Variants in PARP8 observed in about 807,000 individuals in gnomAD.
PARP8 encodes the protein poly(ADP-ribose) polymerase family member 8.
PARP8 carries 51 observed loss-of-function variants against 124.1 expected under a neutral mutation model. The observed-to-expected ratio is 0.41, with a 90% confidence interval of 0.33 to 0.52. The LOEUF is 0.52. Among genes scored for constraint, PARP8 ranks in the 20% least tolerant of loss-of-function variants. PARP8 has a pLI of 0.21. For synonymous variants in PARP8, 391 were observed against 361.5 expected (o/e 1.08, Z -0.93); for missense variants, 860 against 1,018.9 (o/e 0.84, Z 2.12).
chr5:50,677,880 G>T (rs1466287128), intron 2 of PARP8, among the ~76,000 whole-genome samples: 1 of 150,984 alleles, frequency 6.6e-6, no homozygotes, highest in Non-Finnish European at 1.5e-5. Flanking sequence ...TCTTTCTGAA[G>T]GCAAAGACTT....
intron 2 of PARP8, among the ~76,000 whole-genome samples, chr5:50,688,366 G>A (rs978024669): frequency 3.3e-5 from 5 of 152,194 alleles, no homozygotes; most frequent in Non-Finnish European, 7.3e-5. Context: ...AGTAACTGCT[G>A]TTAGTATTTC....
chr5:50,719,537 T>G (rs1755664419), intron 2 of PARP8, among the ~76,000 whole-genome samples: 1 of 152,094 alleles, frequency 6.6e-6, no homozygotes, highest in African/African-American at 2.4e-5. Flanking sequence ...TTTATTTTTC[T>G]GCATATAGAT....
chr5:50,784,956 G>T (rs575638909), intron 9 of PARP8, among the ~76,000 whole-genome samples: 1 of 151,942 alleles, frequency 6.6e-6, no homozygotes, highest in South Asian at 2.1e-4. Flanking sequence ...CAGAAAAATT[G>T]CAGCTAGTAC....
In PARP8 at chr5:50,843,239, C is replaced by G. The variant is rs974979117; in HGVS notation, c.*1171C>G. ...TTTGAGTCCTAGAGTTCTTATTCAT[C>G]AAGTTTTAATTGACAGTGTTTATTT... On this transcript the variant is annotated 3_prime_UTR_variant, in exon 26 of 26. Coordinates refer to ENST00000281631, the MANE Select transcript of PARP8 (RefSeq NM_024615.4). The G allele has an allele frequency of 4.6e-5, 7 of 151,706 alleles. No individual in the cohort carries two copies. Among genetic ancestry groups the G allele is most frequent in the African/African-American group, 1.7e-4 (7 of 41,484 alleles). The allele number at this position is 151,706 out of a possible 1,614,324, so 9.4% of individuals were successfully genotyped here.
chr5:50,721,602 C>G (rs1273832587), intron 2 of PARP8, among the ~76,000 whole-genome samples: 1 of 152,046 alleles, frequency 6.6e-6, no homozygotes, highest in East Asian at 1.9e-4. Flanking sequence ...TTTCTGTGGC[C>G]GATTAATTCA....
chr5:50,813,072 G>A (rs964166169), intron 14 of PARP8, among the ~76,000 whole-genome samples: 8 of 152,178 alleles, frequency 5.3e-5, no homozygotes, highest in Non-Finnish European at 1.0e-4. Flanking sequence ...TCTTAACAAT[G>A]TGGGCTCTTT....
chr5:50,709,337 T>C (rs190257680), intron 2 of PARP8, among the ~76,000 whole-genome samples: 1 of 152,162 alleles, frequency 6.6e-6, no homozygotes, highest in East Asian at 1.9e-4. Flanking sequence ...TCTTTCATTT[T>C]TTTCTTTTTC....
intron 25 of PARP8, among the ~76,000 whole-genome samples, chr5:50,835,262 G>A (rs1413522426): frequency 3.3e-5 from 5 of 152,206 alleles, no homozygotes; most frequent in Non-Finnish European, 5.9e-5. Context: ...CACCATCTTA[G>A]TCAAGCCTGG....
rs562111029 is a variant in PARP8 at position 50,772,081 on chromosome 5, A to G, written c.519-5988A>G. ...AGATCAGCTTTTTTTAGATTCTGCA[A>G]ATGACTTACATCACGCAGTGTTTGT... On this transcript the variant is annotated intron_variant, in intron 7 of 25. Coordinates refer to ENST00000281631, the MANE Select transcript of PARP8 (RefSeq NM_024615.4). Among the ~76,000 whole-genome samples, 8 of 152,272 alleles carry G rather than the reference A, an allele frequency of 5.3e-5. No homozygotes were observed. The East Asian group carries it at 1.3e-3, about 26-fold the overall frequency.
chr5:50,714,138 A>G (rs1184403240), intron 2 of PARP8, among the ~76,000 whole-genome samples: 2 of 142,042 alleles, frequency 1.4e-5, no homozygotes, highest in African/African-American at 5.3e-5. Flanking sequence ...TTTTGAGGGT[A>G]TCTGAGTCTG....
At chr5:50,839,991 G>A (rs1490177518) in intron 25 of PARP8, among the ~76,000 whole-genome samples, 3 of 151,888 alleles carry the variant, frequency 2.0e-5, no homozygotes, top group African/African-American at 4.8e-5. Context: ...TGAGATGGAG[G>A]CCATTTTTCT....
At chr5:50,744,752 C>T (rs963756041) in intron 2 of PARP8, 11 of 701,200 alleles carry the variant, frequency 1.6e-5, no homozygotes, top group African/African-American at 1.2e-4. Context: ...AGAGCTTGCT[C>T]CAGGGATGTG....
rs189657039 is a variant in PARP8 at position 50,822,102 on chromosome 5, G to A, written c.1795-233G>A. On this transcript the variant is annotated intron_variant, in intron 16 of 25. Transcript: ENST00000281631. ...TTTTTTGTGTTTCTAGATTTTTTCC[G>A]CCATGGCTTATAGAAGGATTGGCAT... 8.7e-4 allele frequency among the ~76,000 whole-genome samples: 132 copies of A among 152,104 alleles called. 1 individual carries two copies. In the East Asian group the frequency reaches 0.023, roughly 26 times the overall value.
intron 10 of PARP8, among the ~76,000 whole-genome samples, chr5:50,792,826 G>C (rs1742116046): frequency 6.6e-6 from 1 of 152,010 alleles, no homozygotes; most frequent in Non-Finnish European, 1.5e-5. Flanking sequence ...AAATAATTGA[G>C]TATGTAACTG....
chr5:50,818,242 T>TTCTTTTCTA, intron 15 of PARP8, among the ~76,000 whole-genome samples: 1 of 149,420 alleles, frequency 6.7e-6, no homozygotes, highest in African/African-American at 2.5e-5. Context: ...TTTCTTTTCT[T>TTCTTTTCTA]CCCCCTCGAG....
chr5:50,778,464 C>T, intron 8 of PARP8, 96 bp from the exon 9 acceptor site: 2 of 973,738 alleles, frequency 2.1e-6, no homozygotes, highest in Admixed American at 2.6e-5. Flanking sequence ...ATGTTATATG[C>T]ATTTTGCGAA....
chr5:50,728,208 G>A (rs1239391139), intron 2 of PARP8, among the ~76,000 whole-genome samples: 1 of 152,064 alleles, frequency 6.6e-6, no homozygotes, highest in Non-Finnish European at 1.5e-5. Flanking sequence ...TATTTCTAAG[G>A]CATTTCCCTG....
intron 2 of PARP8, among the ~76,000 whole-genome samples, chr5:50,688,115 C>T (rs949647600): frequency 2.0e-5 from 3 of 152,108 alleles, no homozygotes; most frequent in Non-Finnish European, 4.4e-5. Flanking sequence ...TCCCAAAGCT[C>T]TAGATTATAG....
chr5:50,825,025 G>A, intron 18 of PARP8, 50 bp downstream of exon 18: 2 of 1,450,286 alleles, frequency 1.4e-6, no homozygotes, highest in African/African-American at 2.8e-5. Context: ...CTTTTCTACT[G>A]CTTGATTTAA....
Sources: gnomAD v4.1 joint callset for allele counts (sites outside exome capture counted in the v4.1 genomes callset) on GRCh38, gnomAD v4.1.1 for gene constraint, MANE v1.5 for transcripts, NCBI Gene and HGNC (gene_info 2026-07-23, HGNC 2026-07-21) for gene names.